Variants in ZBTB20 observed in about 807,000 individuals in gnomAD.
ZBTB20 encodes zinc finger and BTB domain containing 20, also known as zinc finger and BTB domain-containing protein 20.
Under a neutral mutation model 56.9 loss-of-function variants are expected in ZBTB20, and 9 were observed. That is an observed-to-expected ratio of 0.16 (90% CI 0.10 to 0.28). ZBTB20 has a LOEUF of 0.28. Ranked by LOEUF, ZBTB20 falls within the 10% of genes least tolerant of loss-of-function variation. ZBTB20 has a pLI of 1.00. For synonymous variants in ZBTB20, 417 were observed against 420.7 expected (o/e 0.99, Z 0.11); for missense variants, 655 against 1,003.0 (o/e 0.65, Z 4.69).
rs2108203122 is a variant in ZBTB20, at chr3:114,350,658, G to A, written c.1420C>T (p.Gln474Ter). ...GTTTCTGTCTGGCGTAAGTAGAGCT[G>A]GGTACTTGGCAATGGCTGCCCGATG... ...TSIGQPLPST[Q>*]LYLRQTETLT... The change falls in exon 11 of 12, where the codon CAG (glutamine) becomes TAG (stop). Residue 474 changes from glutamine to a stop codon, truncating the protein, a stop_gained. Transcript: ENST00000675478. LOFTEE classifies it high-confidence loss of function. 1 of 1,614,218 alleles carries A rather than the reference G, an allele frequency of 6.2e-7. No individual in the cohort carries two copies. Among genetic ancestry groups the A allele is most frequent in the East Asian group, 2.2e-5 (1 of 44,876 alleles).
chr3:114,410,073 CAG>C (rs1423951921), intron 7 of ZBTB20, among the ~76,000 whole-genome samples: 1 of 152,078 alleles, frequency 6.6e-6, no homozygotes, highest in Non-Finnish European at 1.5e-5. Context: ...TCAGGCAACT[CAG>C]AGAGAGACCC....
At chr3:114,809,862 GTGTT>G (rs2072389246) in intron 4 of ZBTB20, among the ~76,000 whole-genome samples, 1 of 152,148 alleles carries the variant, frequency 6.6e-6, no homozygotes, top group Non-Finnish European at 1.5e-5. Context: ...TGTTATTGCT[GTGTT>G]TGTTTATTTA....
At chr3:115,129,529 A>G (rs1178450317) in intron 1 of ZBTB20, among the ~76,000 whole-genome samples, 1 of 152,250 alleles carries the variant, frequency 6.6e-6, no homozygotes, top group East Asian at 1.9e-4. Flanking sequence ...GTGTCTGGTA[A>G]CTGAAAGATC....
In ZBTB20 at chr3:114,988,012, G is replaced by A. The variant is rs981073541; in HGVS notation, c.-506-13596C>T. Among the ~76,000 whole-genome samples, 10 of 149,142 alleles carry A rather than the reference G, an allele frequency of 6.7e-5. No individual in the cohort carries two copies. The East Asian group carries it at 7.9e-4, about 12-fold the overall frequency. Reference sequence around the variant, plus strand: ...AATGCCATCTCATCTATTCCCTATCGTCTTCTTTTTTTTTCTTTTTTTGAA... The same window carrying A: ...AATGCCATCTCATCTATTCCCTATCATCTTCTTTTTTTTTCTTTTTTTGAA... On this transcript the variant is annotated intron_variant, in intron 2 of 11. Coordinates refer to ENST00000675478, the MANE Select transcript of ZBTB20 (RefSeq NM_001348800.3).
At chr3:114,710,725 T>C (rs1479369284) in intron 5 of ZBTB20, among the ~76,000 whole-genome samples, 2 of 152,216 alleles carry the variant, frequency 1.3e-5, no homozygotes, top group East Asian at 1.9e-4. Context: ...TGATAACTAC[T>C]ACATGCTCTT....
rs2069877694 is a variant in ZBTB20 at position 114,779,290 on chromosome 3, T to C, written c.-343+21811A>G. Among the ~76,000 whole-genome samples, 3 of 152,226 alleles carry C rather than the reference T, an allele frequency of 2.0e-5. No individual in the cohort carries two copies. The South Asian group carries it at 6.2e-4, about 31-fold the overall frequency. ...GTGCCATATAATTACAGGTACTCTT[T>C]ATTTGTTTATGAACCCTTCCAACAA... On this transcript the variant is annotated intron_variant, in intron 5 of 11. Transcript: ENST00000675478.
intron 10 of ZBTB20, among the ~76,000 whole-genome samples, chr3:114,371,092 A>G (rs1415035039): frequency 6.6e-6 from 1 of 151,976 alleles, no homozygotes; most frequent in African/African-American, 2.4e-5. Context: ...ATCTTCTCAA[A>G]ATCTTGCTCA....
intron 2 of ZBTB20, among the ~76,000 whole-genome samples, chr3:115,047,684 G>A (rs760696605): frequency 7.9e-5 from 12 of 152,108 alleles, no homozygotes; most frequent in Non-Finnish European, 8.8e-5. Flanking sequence ...ATATTAACCC[G>A]GACATATTAT....
intron 5 of ZBTB20, among the ~76,000 whole-genome samples, chr3:114,790,977 T>C (rs1036631869): frequency 2.6e-5 from 4 of 152,198 alleles, no homozygotes; most frequent in African/African-American, 7.2e-5. Flanking sequence ...AGAACTCAGA[T>C]AAAGGACCTT....
chr3:114,675,870 A>T (rs1418400978), intron 6 of ZBTB20, among the ~76,000 whole-genome samples: 1 of 152,206 alleles, frequency 6.6e-6, no homozygotes, highest in Non-Finnish European at 1.5e-5. Flanking sequence ...AGCAGTAACA[A>T]TAACAATAAT....
intron 3 of ZBTB20, among the ~76,000 whole-genome samples, chr3:114,945,430 T>C (rs1336003840): frequency 6.9e-6 from 1 of 145,060 alleles, no homozygotes; most frequent in Non-Finnish European, 1.5e-5. Context: ...AGAATTATAA[T>C]TCAGGACAAT....
chr3:114,951,024 G>C (rs72960323), intron 3 of ZBTB20, among the ~76,000 whole-genome samples: 2 of 152,036 alleles, frequency 1.3e-5, no homozygotes, highest in African/African-American at 2.4e-5. Context: ...GTTATCCTGA[G>C]GAAGTAGAGA....
chr3:115,033,468 C>CA (rs1469030898), intron 2 of ZBTB20, among the ~76,000 whole-genome samples: 3 of 151,428 alleles, frequency 2.0e-5, no homozygotes, highest in Admixed American at 6.6e-5. Flanking sequence ...AAAGTTTCCT[C>CA]AAAAAACAAA....
intron 1 of ZBTB20, among the ~76,000 whole-genome samples, chr3:115,099,766 G>A (rs1193372098): frequency 2.6e-5 from 4 of 152,036 alleles, no homozygotes; most frequent in Non-Finnish European, 4.4e-5. Context: ...TAACAAAACC[G>A]AGTTAGCAAT....
intron 3 of ZBTB20, among the ~76,000 whole-genome samples, chr3:114,961,101 C>A (rs1357115837): frequency 6.6e-6 from 1 of 150,732 alleles, no homozygotes; most frequent in East Asian, 1.9e-4. Flanking sequence ...ATGTGAGTGT[C>A]CTTCTACAGG....
chr3:115,059,378 G>C (rs1345731221), intron 2 of ZBTB20, among the ~76,000 whole-genome samples: 1 of 152,128 alleles, frequency 6.6e-6, no homozygotes, highest in East Asian at 1.9e-4. Flanking sequence ...CTCTATTAGG[G>C]CAGGCTTGTT....
intron 2 of ZBTB20, among the ~76,000 whole-genome samples, chr3:115,024,022 T>G (rs1286256494): frequency 6.6e-6 from 1 of 151,128 alleles, no homozygotes; most frequent in East Asian, 1.9e-4. Context: ...ATATCTCATT[T>G]CATAACTATA....
intron 5 of ZBTB20, among the ~76,000 whole-genome samples, chr3:114,758,655 T>C (rs1255902780): frequency 6.6e-6 from 1 of 152,084 alleles, no homozygotes; most frequent in African/African-American, 2.4e-5. Context: ...GGACAAAACA[T>C]TAACATATTC....
At chr3:114,422,652 C>T (rs1016779492) in intron 7 of ZBTB20, among the ~76,000 whole-genome samples, 2 of 152,142 alleles carry the variant, frequency 1.3e-5, no homozygotes, top group Non-Finnish European at 2.9e-5. Context: ...ACTTGTTCCA[C>T]TTGGTCCTGA....
Sources: allele counts gnomAD v4.1 joint callset (sites outside exome capture counted in the v4.1 genomes callset), GRCh38; gene constraint gnomAD v4.1.1; transcripts MANE v1.5; gene names NCBI Gene and HGNC (gene_info 2026-07-23, HGNC 2026-07-21).